Variants in TRIM44 observed in about 807,000 individuals in gnomAD.
The protein encoded by TRIM44 is tripartite motif-containing protein 44.
A neutral mutation model predicts 37.4 loss-of-function variants in TRIM44; 13 were observed. The ratio of observed to expected loss-of-function variants is 0.35; its 90% confidence interval spans 0.23 to 0.55. The LOEUF (loss-of-function observed/expected upper bound fraction) is 0.55. Ranked by LOEUF, TRIM44 falls within the 20% of genes least tolerant of loss-of-function variation. The pLI is 0.89. For synonymous variants in TRIM44, 175 were observed against 157.2 expected, an observed-to-expected ratio of 1.11 and a Z score of -0.85; for missense variants, 426 against 437.2, an observed-to-expected ratio of 0.97 and a Z score of 0.23.
In TRIM44 at chr11:35,809,941, C is replaced by CTTGCG. The variant is rs1853508176; in HGVS notation, c.*3558_*3562dup. 1 of 152,184 alleles carries CTTGCG rather than the reference C, an allele frequency of 6.6e-6. No individual in the cohort carries two copies. The highest frequency in any genetic ancestry group is 1.5e-5 in the Non-Finnish European group (1 of 68,044). The allele number at this position is 152,184 out of a possible 1,614,324, so 9.4% of individuals were successfully genotyped here. A position where few individuals can be genotyped will look rare whatever the true frequency, so the allele number is the denominator to read the frequency against. On this transcript the variant is annotated 3_prime_UTR_variant, in exon 5 of 5. Coordinates refer to ENST00000299413, the MANE Select transcript of TRIM44 (RefSeq NM_017583.6). The stretch of plus-strand genomic sequence containing the variant: ...AAACTCAAAGCAGCCCCTTCATTAT[C>CTTGCG]TTGCGTACTACTTCAAAGATTTCTG...
At chr11:35,727,001 A>T (rs972363251) in intron 3 of TRIM44, among the ~76,000 whole-genome samples, 3 of 152,070 alleles carry the variant, frequency 2.0e-5, no homozygotes, top group African/African-American at 7.2e-5. Context: ...GTCTACAAAA[A>T]AAAAATAAAA....
chr11:35,804,801 G>A (rs1474686875), intron 4 of TRIM44, among the ~76,000 whole-genome samples: 1 of 152,186 alleles, frequency 6.6e-6, no homozygotes, highest in African/African-American at 2.4e-5. Context: ...ACAGGGCAGA[G>A]TTTGGAATGG....
At chr11:35,665,584 CTGTT>C (rs1851321838) in intron 1 of TRIM44, among the ~76,000 whole-genome samples, 2 of 81,746 alleles carry the variant, frequency 2.4e-5, no homozygotes, top group African/African-American at 8.2e-5. Flanking sequence ...TTTTATATAT[CTGTT>C]TTTTTTTTTT....
intron 4 of TRIM44, among the ~76,000 whole-genome samples, chr11:35,752,242 C>G (rs1852567924): frequency 6.6e-6 from 1 of 150,838 alleles, no homozygotes; most frequent in African/African-American, 2.4e-5. Context: ...TTCACACCAC[C>G]TCTACCTCAC....
chr11:35,702,438 G>A (rs1851801776), intron 2 of TRIM44, among the ~76,000 whole-genome samples: 1 of 152,194 alleles, frequency 6.6e-6, no homozygotes, highest in South Asian at 2.1e-4. Flanking sequence ...CTGTTTCTGC[G>A]ATTAAGGATG....
rs556625733 is a variant in TRIM44, at chr11:35,662,911, C to T, written c.-201C>T. The T allele has an allele frequency of 2.3e-6, 2 of 878,208 alleles. No homozygotes were observed. The highest frequency in any genetic ancestry group is 3.1e-5 in the East Asian group (1 of 31,950). The allele number at this position is 878,208 out of a possible 1,614,324, so 54.4% of individuals were successfully genotyped here. ...AGCGCAGGGACAGAGCGGAGCAGGC[C>T]GAGCCGGCGGAAAGGGTCTTTGCTG... On this transcript the variant is annotated 5_prime_UTR_variant, in exon 1 of 5. Transcript: ENST00000299413.
chr11:35,754,105 T>C (rs1488102389), intron 4 of TRIM44, among the ~76,000 whole-genome samples: 2 of 149,042 alleles, frequency 1.3e-5, no homozygotes, highest in African/African-American at 5.2e-5. Flanking sequence ...TAGTAAGTAC[T>C]AAGCATTTTA....
At chr11:35,794,618 G>A (rs1176710705) in intron 4 of TRIM44, among the ~76,000 whole-genome samples, 1 of 152,178 alleles carries the variant, frequency 6.6e-6, no homozygotes. Context: ...CAGTGGTTAT[G>A]TGTGCCTGGT....
intron 2 of TRIM44, among the ~76,000 whole-genome samples, chr11:35,690,034 A>G (rs1851623132): frequency 6.6e-6 from 1 of 152,172 alleles, no homozygotes; most frequent in African/African-American, 2.4e-5. Flanking sequence ...TCTCAAAAAG[A>G]AGCATCTTAA....
Position 35,701,306 on chromosome 11 carries a change from C to G in TRIM44, c.747+15970C>G, listed in dbSNP as rs376669211. The stretch of plus-strand genomic sequence containing the variant: ...GGTCTTTTGCGCAGCCTGTTTTTCC[C>G]AAGGAGTCCCAGGCTGTTAGAGCTT... On this transcript the variant is annotated intron_variant, in intron 2 of 4. Coordinates refer to ENST00000299413, the MANE Select transcript of TRIM44 (RefSeq NM_017583.6). Among the ~76,000 whole-genome samples the G allele has an allele frequency of 1.1e-4, 17 of 152,028 alleles. No individual in the cohort carries two copies. In the East Asian group the frequency reaches 3.1e-3, roughly 28 times the overall value.
chr11:35,689,751 T>C (rs1311339177), intron 2 of TRIM44, among the ~76,000 whole-genome samples: 1 of 152,234 alleles, frequency 6.6e-6, no homozygotes, highest in Non-Finnish European at 1.5e-5. Flanking sequence ...CACAGTTTAC[T>C]CAGAGGTAAC....
chr11:35,725,732 G>A (rs569268606), intron 2 of TRIM44, among the ~76,000 whole-genome samples, 192 bp from the exon 3 acceptor site: 1 of 152,162 alleles, frequency 6.6e-6, no homozygotes, highest in South Asian at 2.1e-4. Context: ...CCTGAAGAAT[G>A]AAAAAGGCAA....
At chr11:35,788,080 C>A (rs1853152668) in intron 4 of TRIM44, among the ~76,000 whole-genome samples, 1 of 152,148 alleles carries the variant, frequency 6.6e-6, no homozygotes, top group Non-Finnish European at 1.5e-5. Context: ...TTCTACTGCT[C>A]CCCCATGAAC....
intron 4 of TRIM44, among the ~76,000 whole-genome samples, chr11:35,749,299 T>G (rs2135528861): frequency 6.6e-6 from 1 of 152,360 alleles, no homozygotes; most frequent in South Asian, 2.1e-4. Context: ...AGGAGACTCA[T>G]TAATCCTTCT....
chr11:35,788,887 G>T (rs1200626348), intron 4 of TRIM44, among the ~76,000 whole-genome samples: 1 of 152,174 alleles, frequency 6.6e-6, no homozygotes, highest in Non-Finnish European at 1.5e-5. Context: ...CATAAACTAA[G>T]TTGTTCCACA....
chr11:35,745,397 T>C (rs1268420472), intron 4 of TRIM44, among the ~76,000 whole-genome samples: 1 of 152,170 alleles, frequency 6.6e-6, no homozygotes, highest in African/African-American at 2.4e-5. Context: ...TTAAGTTCCA[T>C]GTAGACTCTA....
chr11:35,748,827 C>T (rs1464583607), intron 4 of TRIM44, among the ~76,000 whole-genome samples: 2 of 152,162 alleles, frequency 1.3e-5, no homozygotes, highest in South Asian at 2.1e-4. Flanking sequence ...TAATGTGAGT[C>T]ATGATTCTTT....
chr11:35,765,549 T>G (rs1050879757), intron 4 of TRIM44, among the ~76,000 whole-genome samples: 2 of 152,178 alleles, frequency 1.3e-5, no homozygotes, highest in Non-Finnish European at 2.9e-5. Context: ...CAAGGAGATT[T>G]TAGAACTATG....
chr11:35,784,433 T>G (rs1267448167), intron 4 of TRIM44, among the ~76,000 whole-genome samples: 2 of 152,222 alleles, frequency 1.3e-5, no homozygotes, highest in Non-Finnish European at 2.9e-5. Context: ...ATTCTAAGTT[T>G]CTTTAAAATA....
Sources: allele counts gnomAD v4.1 joint callset (sites outside exome capture counted in the v4.1 genomes callset), GRCh38; gene constraint gnomAD v4.1.1; transcripts MANE v1.5; gene names NCBI Gene and HGNC (gene_info 2026-07-23, HGNC 2026-07-21).